The following NUP205 variants were observed in gnomAD, a reference collection of about 807,000 sequenced individuals.
NUP205 encodes the protein nuclear pore complex protein Nup205.
A neutral mutation model predicts 253.8 loss-of-function variants in NUP205; 76 were observed. The ratio of observed to expected loss-of-function variants is 0.30; its 90% confidence interval spans 0.25 to 0.36. The LOEUF is 0.36. Among genes scored for constraint, NUP205 ranks in the 10% least tolerant of loss-of-function variants. NUP205 has a pLI of 1.00. For missense variants in NUP205, 2,162 were observed against 2,425.5 expected (o/e 0.89, Z 2.28); for synonymous variants, 832 against 850.1 (o/e 0.98, Z 0.37).
intron 7 of NUP205, among the ~76,000 whole-genome samples, chr7:135,583,703 G>A (rs1411528946): frequency 1.3e-5 from 2 of 152,122 alleles, no homozygotes; most frequent in Non-Finnish European, 2.9e-5. Flanking sequence ...AGGTTGCAGT[G>A]AGCTGAGATT....
intron 10 of NUP205, among the ~76,000 whole-genome samples, chr7:135,588,463 A>G (rs1246365760): frequency 6.6e-6 from 1 of 151,038 alleles, no homozygotes; most frequent in African/African-American, 2.4e-5. Flanking sequence ...TTATAAAAGA[A>G]AATTTGAAAC....
intron 7 of NUP205, 159 bp downstream of exon 7, chr7:135,579,074 C>T (rs2129489890): frequency 5.5e-6 from 1 of 183,318 alleles, no homozygotes; most frequent in East Asian, 1.9e-4. Context: ...GAAATACAGA[C>T]TTTTTTCTCC....
Position 135,587,555 on chromosome 7 carries a change from A to G in NUP205, c.1219-20A>G, listed in dbSNP as rs769331265. On this transcript the variant is annotated intron_variant, in intron 8 of 42. Transcript: ENST00000285968. ...TACAATACATTTACATATTAAAACT[A>G]TATCTAATAAATTTAATAGGTGAAA... 1.7e-5 allele frequency: 24 copies of G among 1,452,762 alleles called. No homozygotes were observed. Among genetic ancestry groups the G allele is most frequent in the Non-Finnish European group, 1.9e-5 (20 of 1,057,476 alleles). The allele number at this position is 1,452,762 out of a possible 1,614,324, so 90.0% of individuals were successfully genotyped here.
chr7:135,643,186 T>A lies in NUP205; in HGVS notation c.5393-6T>A. 5.0e-6 allele frequency: 8 copies of A among 1,613,252 alleles called. No homozygotes were observed. Among genetic ancestry groups the A allele is most frequent in the Non-Finnish European group, 6.8e-6 (8 of 1,179,458 alleles). ...GAACATTGTTTTATGTCATCACCTCTATTAGATACCCAAGCTCCAGTGGTT... is the reference window on the plus strand; with the variant it reads ...GAACATTGTTTTATGTCATCACCTCAATTAGATACCCAAGCTCCAGTGGTT... On this transcript the variant is annotated splice_polypyrimidine_tract_variant and splice_region_variant and intron_variant, in intron 38 of 42. Coordinates refer to ENST00000285968, the MANE Select transcript of NUP205 (RefSeq NM_015135.3).
chr7:135,633,133 T>A (rs1225885145), intron 35 of NUP205, among the ~76,000 whole-genome samples: 1 of 152,048 alleles, frequency 6.6e-6, no homozygotes, highest in East Asian at 1.9e-4. Context: ...ACCAAGCTAA[T>A]TTTTTATTTT....
intron 2 of NUP205, among the ~76,000 whole-genome samples, chr7:135,571,660 A>C (rs1457454047): frequency 6.6e-6 from 1 of 152,190 alleles, no homozygotes; most frequent in East Asian, 1.9e-4. Context: ...TAATCACATC[A>C]TGGAGAATGG....
chr7:135,594,398 C>A, intron 12 of NUP205, 149 bp from the exon 13 acceptor site: 1 of 493,552 alleles, frequency 2.0e-6, no homozygotes, highest in Non-Finnish European at 3.5e-6. Context: ...TGTTGGTAGA[C>A]TTCAAACATA....
At chr7:135,612,378 A>G (rs771363521) in intron 22 of NUP205, among the ~76,000 whole-genome samples, 1 of 152,210 alleles carries the variant, frequency 6.6e-6, no homozygotes, top group Non-Finnish European at 1.5e-5. Context: ...ATTCATTAAC[A>G]TTAAACTCAT....
chr7:135,625,435 G>A, intron 32 of NUP205, 80 bp downstream of exon 32: 1 of 1,032,966 alleles, frequency 9.7e-7, no homozygotes, highest in Non-Finnish European at 1.4e-6. Context: ...AAATTAATGT[G>A]GCATACATTC....
At position 135,566,408 on chromosome 7, in the gene NUP205, A is replaced by C. The variant is rs567170549; in HGVS notation, c.29-4697A>C. Reference sequence around the variant, plus strand: ...CCCTGTCTGCCAGTTATTGCTCTTTAATGGGAAGTATGTCTGCATAGGTAC... The same window carrying C: ...CCCTGTCTGCCAGTTATTGCTCTTTCATGGGAAGTATGTCTGCATAGGTAC... On this transcript the variant is annotated intron_variant, in intron 1 of 42. Coordinates refer to ENST00000285968, the MANE Select transcript of NUP205 (RefSeq NM_015135.3). Among the ~76,000 whole-genome samples, 85 of 152,272 alleles carry C rather than the reference A, an allele frequency of 5.6e-4. 2 individuals carry two copies. The highest frequency in any genetic ancestry group is 9.1e-4 in the Non-Finnish European group (62 of 68,016).
At chr7:135,608,271 G>C (rs1366724905) in intron 22 of NUP205, among the ~76,000 whole-genome samples, 1 of 152,036 alleles carries the variant, frequency 6.6e-6, no homozygotes, top group Non-Finnish European at 1.5e-5. Context: ...TGATCCACCT[G>C]CCTCGGTCTC....
At chr7:135,626,413 A>AG in intron 33 of NUP205, 52 bp downstream of exon 33, 3 of 1,559,442 alleles carry the variant, frequency 1.9e-6, no homozygotes, top group Non-Finnish European at 2.6e-6. Flanking sequence ...AGGATTATTA[A>AG]GGGAAGAAAA....
intron 17 of NUP205, 23 bp from the exon 18 acceptor site, chr7:135,602,782 C>T (rs747290287): frequency 6.3e-7 from 1 of 1,578,144 alleles, no homozygotes; most frequent in African/African-American, 1.4e-5. Flanking sequence ...TTAGAACTTT[C>T]TAACTTTATT....
rs1241244298 is a variant in NUP205, at chr7:135,648,466, A to G, written c.5949A>G (p.Glu1983=). 2.6e-5 allele frequency: 42 copies of G among 1,607,682 alleles called. No individual in the cohort carries two copies. Among genetic ancestry groups the G allele is most frequent in the Middle Eastern group, 1.6e-4 (1 of 6,074 alleles). ...ESLQKKLLDI[E]GLYSKVRSRY... ...TACAAAAGAAACTTCTGGACATTGAAGGATTATATTCAAAAGTTCGATCTC... is the reference window on the plus strand; with the variant it reads ...TACAAAAGAAACTTCTGGACATTGAGGGATTATATTCAAAAGTTCGATCTC... Residue 1983 remains glutamate (E), a synonymous_variant, in exon 43 of 43, where the codon GAA becomes GAG. Coordinates refer to ENST00000285968, the MANE Select transcript of NUP205 (RefSeq NM_015135.3).
chr7:135,637,796 G>T (rs1584691258), intron 36 of NUP205, 135 bp from the exon 37 acceptor site: 1 of 666,098 alleles, frequency 1.5e-6, no homozygotes, highest in South Asian at 3.3e-5. Flanking sequence ...CTTTTAGTTG[G>T]CTCAGTTTTA....
chr7:135,582,821 C>T (rs529407475), intron 7 of NUP205, among the ~76,000 whole-genome samples: 1 of 151,574 alleles, frequency 6.6e-6, no homozygotes, highest in Non-Finnish European at 1.5e-5. Flanking sequence ...CCAGGCATGG[C>T]GACTCATGCC....
chr7:135,607,443 A>G (rs1270866868), intron 22 of NUP205, 72 bp downstream of exon 22: 11 of 1,518,690 alleles, frequency 7.2e-6, no homozygotes, highest in Middle Eastern at 2.2e-4. Context: ...CGCCACAGAT[A>G]TGACAGTATA....
In NUP205 at chr7:135,570,046, TATATATAG is replaced by T. The variant is rs1226917858; in HGVS notation, c.29-1057_29-1050del. ...TTTATGTTTTATATATATATATATA[TATATATAG>T]AGAGAGAGAGAGAGAGAGAGAGAGA... On this transcript the variant is annotated intron_variant, in intron 1 of 42. Transcript: ENST00000285968. Among the ~76,000 whole-genome samples the T allele has an allele frequency of 3.0e-3, 304 of 102,332 alleles. 1 individual carries two copies. Among genetic ancestry groups the T allele is most frequent in the Middle Eastern group, 0.01 (2 of 198 alleles). The allele number at this position is 102,332 out of a possible 152,430, so 67.1% of individuals were successfully genotyped here. A position where few individuals can be genotyped will look rare whatever the true frequency, so the allele number is the denominator to read the frequency against.
intron 4 of NUP205, 114 bp from the exon 5 acceptor site, chr7:135,576,855 C>T (rs1806165764): frequency 5.2e-6 from 5 of 968,966 alleles, no homozygotes; most frequent in Non-Finnish European, 4.5e-6. Flanking sequence ...GCACTCCAGC[C>T]TGGGTGACAG....
Sources: gnomAD v4.1 joint callset for allele counts (sites outside exome capture counted in the v4.1 genomes callset) on GRCh38, gnomAD v4.1.1 for gene constraint, MANE v1.5 for transcripts, NCBI Gene and HGNC (gene_info 2026-07-23, HGNC 2026-07-21) for gene names.